DNAJC21: variants seen among roughly 807,000 people sequenced by gnomAD.
DNAJC21 encodes the protein DnaJ heat shock protein family (Hsp40) member C21.
In DNAJC21, 63 loss-of-function variants were observed where a neutral mutation model predicts 72.4. That is an observed-to-expected ratio of 0.87 (90% confidence interval 0.71 to 1.07). The LOEUF (loss-of-function observed/expected upper bound fraction) is 1.07. Ranked by LOEUF, DNAJC21 falls within the 50% of genes least tolerant of loss-of-function variation. The probability of loss-of-function intolerance (pLI) is 0.00; values close to 1 mark genes in which losing one functional copy is unlikely to be tolerated. For missense variants in DNAJC21, 634 were observed against 644.8 expected (o/e 0.98, Z 0.18); for synonymous variants, 203 against 216.7 (o/e 0.94, Z 0.56).
intron 10 of DNAJC21, chr5:34,953,707 C>T: frequency 1.4e-5 from 6 of 421,612 alleles, no homozygotes; most frequent in East Asian, 4.0e-5. Context: ...AAGGAAATTC[C>T]TTAATTTTTG....
At chr5:34,947,856 AAT>A (rs777011494) in intron 9 of DNAJC21, among the ~76,000 whole-genome samples, 7 of 152,044 alleles carry the variant, frequency 4.6e-5, no homozygotes, top group Non-Finnish European at 5.9e-5. Context: ...CAGGAAGTAT[AAT>A]GCCTCCTCTT....
intron 11 of DNAJC21, 143 bp downstream of exon 11, chr5:34,954,144 A>G: frequency 1.5e-6 from 1 of 660,284 alleles, no homozygotes; most frequent in Non-Finnish European, 2.4e-6. Flanking sequence ...TTTGTTTGAT[A>G]TAATGTATCT....
intron 1 of DNAJC21, among the ~76,000 whole-genome samples, chr5:34,931,527 TG>T (rs1183359465): frequency 6.6e-6 from 1 of 152,266 alleles, no homozygotes; most frequent in Non-Finnish European, 1.5e-5. Flanking sequence ...TGTAATTTTC[TG>T]AAGAGTGATT....
Position 34,943,190 on chromosome 5 carries a change from CCAAT to C in DNAJC21, c.984-1672_984-1669del, listed in dbSNP as rs148920200. On this transcript the variant is annotated intron_variant, in intron 7 of 11. Transcript: ENST00000648817. ...ATTTACTACCTGCATTCCAATTTTG[CCAAT>C]CAATTATTTATTAATATAGAATTTT... Among the ~76,000 whole-genome samples, 883 of 152,272 alleles carry C rather than the reference CCAAT, an allele frequency of 5.8e-3. 6 individuals are homozygous for C. Among genetic ancestry groups the C allele is most frequent in the African/African-American group, 0.02 (822 of 41,562 alleles).
chr5:34,936,648 G>T (rs191959899), intron 4 of DNAJC21, among the ~76,000 whole-genome samples: 1 of 152,160 alleles, frequency 6.6e-6, no homozygotes, highest in South Asian at 2.1e-4. Context: ...TCTAGTTCTC[G>T]AACCTATCCC....
At position 34,932,909 on chromosome 5, in the gene DNAJC21, A is replaced by G. The variant is rs193170355; in HGVS notation, c.98-906A>G. ...GAAGTGAGGTACCATTACTTCTGCC[A>G]TCTCCTGTTGGTCACACAGACTACC... is the stretch of plus-strand genomic sequence containing the variant. On this transcript the variant is annotated intron_variant, in intron 1 of 11. Coordinates refer to ENST00000648817, the MANE Select transcript of DNAJC21 (RefSeq NM_001012339.3). 2.7e-3 allele frequency among the ~76,000 whole-genome samples: 408 copies of G among 152,354 alleles called. 1 individual carries two copies. The highest frequency in any genetic ancestry group is 9.4e-3 in the African/African-American group (391 of 41,578).
intron 1 of DNAJC21, among the ~76,000 whole-genome samples, chr5:34,931,400 G>A (rs1470893243): frequency 6.6e-6 from 1 of 152,192 alleles, no homozygotes; most frequent in Non-Finnish European, 1.5e-5. Flanking sequence ...ATATTCTTAG[G>A]AGTTTGGGTT....
chr5:34,951,368 C>A, intron 10 of DNAJC21: 1 of 985,448 alleles, frequency 1.0e-6, no homozygotes, highest in Middle Eastern at 5.2e-4. Context: ...AAGGCTGACA[C>A]TTCATTCCAT....
chr5:34,940,547 G>T (rs1462338004), intron 6 of DNAJC21, among the ~76,000 whole-genome samples: 1 of 152,050 alleles, frequency 6.6e-6, no homozygotes, highest in African/African-American at 2.4e-5. Context: ...TAGTCAGTTG[G>T]TTTTTGTGGA....
rs564493715 is a variant in DNAJC21, at chr5:34,957,116, G to A, written c.*2402G>A. ...TACTTTTGAAGAGGAAAACAGGAAC[G>A]TACCATATATTTTGCTAAGGGTAAA... On this transcript the variant is annotated 3_prime_UTR_variant, in exon 12 of 12. Transcript: ENST00000648817. The A allele has an allele frequency of 5.3e-5, 8 of 152,232 alleles. No homozygotes were observed. In the East Asian group the frequency reaches 1.5e-3, roughly 29 times the overall value. The allele number at this position is 152,232 out of a possible 1,614,324, so 9.4% of individuals were successfully genotyped here. A position where few individuals can be genotyped will look rare whatever the true frequency, so the allele number is the denominator to read the frequency against.
chr5:34,943,615 T>C (rs1358807980), intron 7 of DNAJC21, among the ~76,000 whole-genome samples: 1 of 152,256 alleles, frequency 6.6e-6, no homozygotes, highest in Non-Finnish European at 1.5e-5. Context: ...TATGCAGATA[T>C]CTTGCTTCTC....
chr5:34,936,099 A>C, intron 3 of DNAJC21, 45 bp from the exon 4 acceptor site: 13 of 1,568,054 alleles, frequency 8.3e-6, no homozygotes, highest in Non-Finnish European at 1.1e-5. Context: ...TTCTGTGATC[A>C]GGCTGCAAAA....
chr5:34,950,152 A>G lies in DNAJC21; in HGVS notation c.1186-18A>G, dbSNP rs1009635872. 2.5e-6 allele frequency: 4 copies of G among 1,588,976 alleles called. No homozygotes were observed. The Admixed American group carries it at 5.5e-5, about 22-fold the overall frequency. ...TATTATATTTATTTTGTAACGGCAC[A>G]TATGTTTTATTACCTAGAATTATGA... On this transcript the variant is annotated intron_variant, in intron 9 of 11. Transcript: ENST00000648817.
Position 34,936,192 on chromosome 5 carries a change from G to A in DNAJC21, c.364G>A (p.Glu122Lys). 6.2e-7 allele frequency: 1 copy of A among 1,614,084 alleles called. No homozygotes were observed. Among genetic ancestry groups the A allele is most frequent in the Non-Finnish European group, 8.5e-7 (1 of 1,179,988 alleles). The change falls in exon 4 of 12, where the codon GAA becomes AAA. Residue 122 changes from glutamate (E) to lysine (K), a missense_variant. By Grantham distance (56) the Glu-to-Lys change is moderately conservative. Coordinates refer to ENST00000648817, the MANE Select transcript of DNAJC21 (RefSeq NM_001012339.3). ...RNVFEMIAKE[E>K]LESVLEEEVD... ...TGTTTTTGAAATGATTGCCAAGGAAGAACTAGAATCTGTGTTAGAGGAAGA... is the reference window on the plus strand; with the variant it reads ...TGTTTTTGAAATGATTGCCAAGGAAAAACTAGAATCTGTGTTAGAGGAAGA...
intron 6 of DNAJC21, 111 bp downstream of exon 6, chr5:34,939,120 A>T (rs1357978673): frequency 1.1e-5 from 12 of 1,044,460 alleles, no homozygotes; most frequent in Non-Finnish European, 1.5e-5. Context: ...ATTAAAAATA[A>T]TGTTGTATGG....
chr5:34,949,423 G>A, intron 9 of DNAJC21: 1 of 1,477,702 alleles, frequency 6.8e-7, no homozygotes, highest in Admixed American at 2.1e-5. Context: ...CCCCTATCCT[G>A]TATATCCCTA....
In DNAJC21 at chr5:34,954,007, T is replaced by G; in HGVS notation, c.1434+6T>G. On this transcript the variant is annotated splice_donor_region_variant and intron_variant, in intron 11 of 11. Transcript: ENST00000648817. ...CTGCTGAACCACAAACAATGGTAGGTCAAAATCATATTCATATCTCTTTAG... is the reference window on the plus strand; with the variant it reads ...CTGCTGAACCACAAACAATGGTAGGGCAAAATCATATTCATATCTCTTTAG... The G allele has an allele frequency of 6.2e-7, 1 of 1,604,310 alleles. No homozygotes were observed. The highest frequency in any genetic ancestry group is 8.5e-7 in the Non-Finnish European group (1 of 1,175,846).
At chr5:34,950,400 C>G in intron 10 of DNAJC21, 58 bp downstream of exon 10, 1 of 1,547,200 alleles carries the variant, frequency 6.5e-7, no homozygotes, top group Non-Finnish European at 8.7e-7. Context: ...AAGGATGTAG[C>G]TTTTCATATA....
intron 1 of DNAJC21, among the ~76,000 whole-genome samples, chr5:34,931,216 T>C (rs943209733): frequency 6.6e-6 from 1 of 152,198 alleles, no homozygotes; most frequent in Non-Finnish European, 1.5e-5. Context: ...GTCTGTTACT[T>C]AAAGTTATGC....
Sources: gnomAD v4.1 joint callset for allele counts (sites outside exome capture counted in the v4.1 genomes callset) on GRCh38, gnomAD v4.1.1 for gene constraint, MANE v1.5 for transcripts, NCBI Gene and HGNC (gene_info 2026-07-23, HGNC 2026-07-21) for gene names.